Variants in PKNOX2 observed in about 807,000 individuals in gnomAD.
PKNOX2 encodes PBX/knotted 1 homeobox 2.
Under a neutral mutation model 53.1 loss-of-function variants are expected in PKNOX2, and 14 were observed. That is an observed-to-expected ratio of 0.26 (90% confidence interval 0.17 to 0.41). The LOEUF (loss-of-function observed/expected upper bound fraction) is 0.41, where lower values mean the gene tolerates loss of function less well. PKNOX2 is among the 10% of genes least tolerant of loss of function. The pLI is 1.00. For missense variants in PKNOX2, 496 were observed against 602.8 expected, an observed-to-expected ratio of 0.82 and a Z score of 1.85; for synonymous variants, 257 against 242.8, an observed-to-expected ratio of 1.06 and a Z score of -0.54.
chr11:125,378,487 G>T (rs1416653211), intron 5 of PKNOX2, among the ~76,000 whole-genome samples: 1 of 152,232 alleles, frequency 6.6e-6, no homozygotes, highest in Non-Finnish European at 1.5e-5. Flanking sequence ...GGAAGAAGCA[G>T]CAGGGGTTCA....
At chr11:125,393,322 G>A (rs1031400441) in intron 6 of PKNOX2, among the ~76,000 whole-genome samples, 2 of 152,134 alleles carry the variant, frequency 1.3e-5, no homozygotes, top group African/African-American at 4.8e-5. Flanking sequence ...GTTCCTCGAT[G>A]TTCTTGGTGC....
chr11:125,272,364 C>T (rs938609611), intron 2 of PKNOX2, among the ~76,000 whole-genome samples: 1 of 152,194 alleles, frequency 6.6e-6, no homozygotes, highest in Admixed American at 6.5e-5. Context: ...AGCACAGGCA[C>T]ACATATTATC....
chr11:125,431,182 C>A lies in PKNOX2; in HGVS notation c.1209C>A (p.Asp403Glu), dbSNP rs370967915. The change falls in exon 13 of 13, where the codon GAC (aspartate) becomes GAA (glutamate). Residue 403 changes from aspartate to glutamate, a missense_variant. Asp to Glu is a conservative substitution (Grantham distance 45, BLOSUM62 2). Coordinates refer to ENST00000298282, the MANE Select transcript of PKNOX2 (RefSeq NM_001382323.2). ...CTCTCGCAGGTTCCATCAACTTGGA[C>A]AACCTGCAGTCCCTGTCCTCAGACA... Reference protein sequence around the residue: ...GTNPDGSINLDNLQSLSSDSA... With the variant: ...GTNPDGSINLENLQSLSSDSA... 18 of 1,613,636 alleles carry A rather than the reference C, an allele frequency of 1.1e-5. No homozygotes were observed. Among genetic ancestry groups the A allele is most frequent in the Non-Finnish European group, 1.4e-5 (17 of 1,179,836 alleles).
rs563910890 is a variant in PKNOX2, at chr11:125,312,081, G to A, written c.-129-19738G>A. The stretch of plus-strand genomic sequence containing the variant: ...TGGGCAAGTCCTTTAGGTTCTCTGA[G>A]CCTCTGTTTCTTCATGTGTAAAATG... On this transcript the variant is annotated intron_variant, in intron 2 of 12. Transcript: ENST00000298282. Among the ~76,000 whole-genome samples, 10 of 152,258 alleles carry A rather than the reference G, an allele frequency of 6.6e-5. No individual in the cohort carries two copies. The South Asian group carries it at 2.1e-3, about 32-fold the overall frequency.
chr11:125,341,185 C>T (rs1298681001), intron 3 of PKNOX2, among the ~76,000 whole-genome samples: 1 of 151,234 alleles, frequency 6.6e-6, no homozygotes, highest in Non-Finnish European at 1.5e-5. Flanking sequence ...GGTGAAACCC[C>T]TCTTTACTAA....
chr11:125,409,695 G>C (rs1442219450), intron 7 of PKNOX2, among the ~76,000 whole-genome samples: 2 of 152,076 alleles, frequency 1.3e-5, no homozygotes, highest in Non-Finnish European at 2.9e-5. Flanking sequence ...GACAAGCGTC[G>C]CTGAAGGATG....
intron 2 of PKNOX2, among the ~76,000 whole-genome samples, chr11:125,244,506 C>T (rs1190654791): frequency 6.6e-6 from 1 of 152,222 alleles, no homozygotes; most frequent in Non-Finnish European, 1.5e-5. Flanking sequence ...TCGCCTTCCC[C>T]CTGAGTTGGA....
At chr11:125,398,120 G>A (rs1954522019) in intron 7 of PKNOX2, 58 bp downstream of exon 7, 3 of 1,517,240 alleles carry the variant, frequency 2.0e-6, no homozygotes, top group Non-Finnish European at 1.8e-6. Context: ...CAGCTCTGGA[G>A]CCACGCGTGG....
At chr11:125,214,939 T>TC (rs1940307901) in intron 1 of PKNOX2, among the ~76,000 whole-genome samples, 1 of 151,896 alleles carries the variant, frequency 6.6e-6, no homozygotes, top group African/African-American at 2.4e-5. Context: ...AGGCGTGAGA[T>TC]CCCCCAGGGG....
intron 2 of PKNOX2, among the ~76,000 whole-genome samples, chr11:125,268,645 C>T (rs1055011061): frequency 1.3e-5 from 2 of 152,176 alleles, no homozygotes; most frequent in Admixed American, 6.5e-5. Flanking sequence ...TAAAGCTGGT[C>T]TGGTTGGCCT....
At chr11:125,226,838 T>A (rs984886762) in intron 1 of PKNOX2, among the ~76,000 whole-genome samples, 13 of 151,686 alleles carry the variant, frequency 8.6e-5, no homozygotes, top group Non-Finnish European at 2.9e-5. Flanking sequence ...GGAGTTGCCT[T>A]CCCTGTTGCA....
chr11:125,255,689 A>G (rs1387120353), intron 2 of PKNOX2, among the ~76,000 whole-genome samples: 1 of 151,122 alleles, frequency 6.6e-6, no homozygotes, highest in Non-Finnish European at 1.5e-5. Context: ...GTGACGTACT[A>G]GAGAGTAACA....
chr11:125,198,572 C>G (rs982456715), intron 1 of PKNOX2, among the ~76,000 whole-genome samples: 2 of 152,188 alleles, frequency 1.3e-5, no homozygotes, highest in African/African-American at 4.8e-5. Context: ...ACAGGCTTTT[C>G]ACAGGGTAGT....
At chr11:125,244,752 G>A (rs569399918) in intron 2 of PKNOX2, among the ~76,000 whole-genome samples, 9 of 152,304 alleles carry the variant, frequency 5.9e-5, no homozygotes, top group South Asian at 4.2e-4. Flanking sequence ...TTATTACAGC[G>A]GGAAATTGGA....
At chr11:125,277,904 T>C (rs899210326) in intron 2 of PKNOX2, among the ~76,000 whole-genome samples, 3 of 152,184 alleles carry the variant, frequency 2.0e-5, no homozygotes, top group African/African-American at 7.2e-5. Flanking sequence ...ACAGCTATTA[T>C]GTATCAGTGC....
chr11:125,233,777 C>G (rs1490086934), intron 1 of PKNOX2, among the ~76,000 whole-genome samples: 1 of 152,218 alleles, frequency 6.6e-6, no homozygotes, highest in Non-Finnish European at 1.5e-5. Flanking sequence ...ACTGAAATTC[C>G]ACCTTCTTCC....
intron 4 of PKNOX2, among the ~76,000 whole-genome samples, chr11:125,354,839 A>G (rs890858087): frequency 6.6e-6 from 1 of 152,230 alleles, no homozygotes; most frequent in Non-Finnish European, 1.5e-5. Context: ...GGCACAAGCC[A>G]AGTGATACGA....
intron 3 of PKNOX2, among the ~76,000 whole-genome samples, chr11:125,342,796 A>C (rs1591535125): frequency 6.6e-6 from 1 of 151,526 alleles, no homozygotes; most frequent in African/African-American, 2.4e-5. Flanking sequence ...CGGGGCTCCC[A>C]GGTGCCCTGA....
chr11:125,285,274 C>T (rs909488110), intron 2 of PKNOX2, among the ~76,000 whole-genome samples: 2 of 152,092 alleles, frequency 1.3e-5, no homozygotes, highest in African/African-American at 4.8e-5. Context: ...GGCTCTGGTG[C>T]TAAACTGAGA....
Sources: gnomAD v4.1 joint callset for allele counts (sites outside exome capture counted in the v4.1 genomes callset) on GRCh38, gnomAD v4.1.1 for gene constraint, MANE v1.5 for transcripts, NCBI Gene and HGNC (gene_info 2026-07-23, HGNC 2026-07-21) for gene names.